Variants in SUMF1 observed in about 807,000 individuals in gnomAD.
SUMF1 encodes formylglycine-generating enzyme.
Under a neutral mutation model 47.6 loss-of-function variants are expected in SUMF1, and 48 were observed. The observed-to-expected ratio is 1.01, with a 90% CI of 0.80 to 1.28. The LOEUF (loss-of-function observed/expected upper bound fraction) is 1.28, where lower values mean the gene tolerates loss of function less well. Among genes scored for constraint, SUMF1 ranks in the 50% most tolerant of loss-of-function variants. SUMF1 has a pLI of 0.00. For synonymous variants in SUMF1, 230 were observed against 192.1 expected, an observed-to-expected ratio of 1.20 and a Z score of -1.63; for missense variants, 571 against 485.4, an observed-to-expected ratio of 1.18 and a Z score of -1.66.
intron 8 of SUMF1, among the ~76,000 whole-genome samples, chr3:4,077,982 A>AT (rs1240444435): frequency 6.6e-6 from 1 of 151,940 alleles, no homozygotes; most frequent in Non-Finnish European, 1.5e-5. Context: ...TTTTCATGGC[A>AT]TTTTTTTCTT....
chr3:4,456,739 TAC>T (rs377013865), intron 1 of SUMF1, among the ~76,000 whole-genome samples: 3 of 94,534 alleles, frequency 3.2e-5, no homozygotes, highest in Non-Finnish European at 4.4e-5. Flanking sequence ...TGTGTATATA[TAC>T]ACACATATAT....
chr3:4,284,232 T>A (rs1293485320), intron 8 of SUMF1, among the ~76,000 whole-genome samples: 1 of 151,170 alleles, frequency 6.6e-6, no homozygotes. Context: ...CTAGGCAACA[T>A]GGCAAAATCC....
Position 4,041,121 on chromosome 3 carries a change from G to A in SUMF1, c.1191+27448C>T, listed in dbSNP as rs1347654190. ...AGAATCTCACTCTGTAGCCCAGGCTGGAATGCAGTGGTGCGATCTCAGCTC... is the reference window on the plus strand; with the variant it reads ...AGAATCTCACTCTGTAGCCCAGGCTAGAATGCAGTGGTGCGATCTCAGCTC... On this transcript the variant is annotated intron_variant and NMD_transcript_variant, in intron 9 of 12. Transcript: ENST00000448413. 2.0e-5 allele frequency among the ~76,000 whole-genome samples: 3 copies of A among 152,140 alleles called. No homozygotes were observed. The East Asian group carries it at 5.8e-4, about 29-fold the overall frequency.
intron 8 of SUMF1, among the ~76,000 whole-genome samples, chr3:4,082,320 A>G (rs1451589933): frequency 2.0e-5 from 3 of 151,786 alleles, no homozygotes; most frequent in Admixed American, 2.0e-4. Context: ...GTACAAAAAA[A>G]ATAGCTGGGC....
intron 9 of SUMF1, among the ~76,000 whole-genome samples, chr3:4,049,721 A>G (rs1251900567): frequency 6.6e-6 from 1 of 152,112 alleles, no homozygotes; most frequent in East Asian, 1.9e-4. Flanking sequence ...CGGGCAGCTT[A>G]TCTGTTAACC....
chr3:4,254,146 A>G (rs538076579), intron 8 of SUMF1, among the ~76,000 whole-genome samples: 1 of 152,076 alleles, frequency 6.6e-6, no homozygotes, highest in Admixed American at 6.5e-5. Context: ...AAGCAAAAAA[A>G]ACCACAAAGA....
intron 6 of SUMF1, among the ~76,000 whole-genome samples, chr3:4,412,412 T>C (rs1701573132): frequency 6.6e-6 from 1 of 152,156 alleles, no homozygotes; most frequent in Non-Finnish European, 1.5e-5. Flanking sequence ...AGATTTCAAA[T>C]AGGGCTCAGA....
chr3:4,147,034 C>T (rs1000616161), intron 8 of SUMF1, among the ~76,000 whole-genome samples: 1 of 152,096 alleles, frequency 6.6e-6, no homozygotes, highest in Non-Finnish European at 1.5e-5. Flanking sequence ...CTTCTCAAGA[C>T]ATTTATGCAG....
At chr3:4,051,929 G>T (rs1324746864) in intron 9 of SUMF1, among the ~76,000 whole-genome samples, 2 of 152,092 alleles carry the variant, frequency 1.3e-5, no homozygotes, top group African/African-American at 4.8e-5. Context: ...CGTAAACCAA[G>T]AAAGTATCAA....
At chr3:4,255,066 A>G (rs1316889381) in intron 8 of SUMF1, among the ~76,000 whole-genome samples, 1 of 150,608 alleles carries the variant, frequency 6.6e-6, no homozygotes, top group South Asian at 2.1e-4. Context: ...GCAAATGCTG[A>G]GAGATTTTGT....
intron 8 of SUMF1, among the ~76,000 whole-genome samples, chr3:4,176,950 A>G (rs1274095861): frequency 6.6e-6 from 1 of 152,216 alleles, no homozygotes; most frequent in Non-Finnish European, 1.5e-5. Flanking sequence ...GAAGGCCATT[A>G]CATAATGGTA....
chr3:4,269,452 A>C (rs1413078175), intron 8 of SUMF1, among the ~76,000 whole-genome samples: 3 of 152,210 alleles, frequency 2.0e-5, no homozygotes, highest in Non-Finnish European at 4.4e-5. Context: ...TCAGAAATAC[A>C]ATTTTAATCC....
intron 8 of SUMF1, among the ~76,000 whole-genome samples, chr3:4,078,349 C>T (rs1400292817): frequency 6.6e-6 from 1 of 151,888 alleles, no homozygotes; most frequent in Non-Finnish European, 1.5e-5. Context: ...TACCTGTGAA[C>T]GTATCATCCC....
intron 8 of SUMF1, among the ~76,000 whole-genome samples, chr3:4,187,636 C>T (rs1046260913): frequency 6.6e-6 from 1 of 152,040 alleles, no homozygotes; most frequent in African/African-American, 2.4e-5. Flanking sequence ...AAAGTTGTTC[C>T]AGTGCAGCAA....
intron 8 of SUMF1, among the ~76,000 whole-genome samples, chr3:4,339,061 C>G (rs308724): frequency 0.78 from 118,125 of 151,998 alleles, 46,461 homozygotes; most frequent in African/African-American, 0.89. Flanking sequence ...GACCTTAATA[C>G]CTTCCACAAA....
At chr3:4,098,877 AT>A (rs1430481964) in intron 8 of SUMF1, among the ~76,000 whole-genome samples, 2 of 152,152 alleles carry the variant, frequency 1.3e-5, no homozygotes, top group African/African-American at 4.8e-5. Context: ...ATTTCTGACA[AT>A]TGCAATTTTT....
At chr3:4,109,995 G>T (rs1429529646) in intron 8 of SUMF1, among the ~76,000 whole-genome samples, 1 of 152,138 alleles carries the variant, frequency 6.6e-6, no homozygotes, top group African/African-American at 2.4e-5. Flanking sequence ...GAGGAGGAGA[G>T]GCGCTCTGAT....
chr3:4,306,448 C>T (rs1406260580), intron 8 of SUMF1, among the ~76,000 whole-genome samples: 1 of 152,144 alleles, frequency 6.6e-6, no homozygotes, highest in Non-Finnish European at 1.5e-5. Context: ...TTGATTGTTA[C>T]ATCTACAGTT....
chr3:4,275,963 G>A (rs1248279893), intron 8 of SUMF1, among the ~76,000 whole-genome samples: 3 of 152,086 alleles, frequency 2.0e-5, no homozygotes, highest in Non-Finnish European at 4.4e-5. Context: ...TTAACTCCTA[G>A]AAGGCTAATT....
Sources: allele counts gnomAD v4.1 joint callset (sites outside exome capture counted in the v4.1 genomes callset), GRCh38; gene constraint gnomAD v4.1.1; transcripts MANE v1.5; gene names NCBI Gene and HGNC (gene_info 2026-07-23, HGNC 2026-07-21).